Variants in AXDND1 observed in about 807,000 individuals in gnomAD.
AXDND1 encodes the protein axonemal dynein light chain domain-containing protein 1.
A neutral mutation model predicts 137.5 loss-of-function variants in AXDND1; 110 were observed. That is an observed-to-expected ratio of 0.80 (90% CI 0.69 to 0.94). The LOEUF is 0.94. Among genes scored for constraint, AXDND1 ranks in the 40% least tolerant of loss-of-function variants. The pLI is 0.00. For synonymous variants in AXDND1, 414 were observed against 399.7 expected, an observed-to-expected ratio of 1.04 and a Z score of -0.43; for missense variants, 1,191 against 1,169.8, an observed-to-expected ratio of 1.02 and a Z score of -0.26.
chr1:179,416,754 G>A (rs889230543), intron 12 of AXDND1, among the ~76,000 whole-genome samples: 1 of 152,176 alleles, frequency 6.6e-6, no homozygotes, highest in Non-Finnish European at 1.5e-5. Context: ...CACAAAACAA[G>A]CATACCCTTT....
rs558965098 is a variant in AXDND1, at chr1:179,505,995, G to A, written c.2389-3301G>A. ...TCATTGTATAGCAACCACTCCACTT[G>A]GAGATGAGAATTCCTTGTTATAAGG... On this transcript the variant is annotated intron_variant, in intron 20 of 25. Transcript: ENST00000367618. Among the ~76,000 whole-genome samples the A allele has an allele frequency of 1.5e-4, 23 of 152,326 alleles. No homozygotes were observed. In the South Asian group the frequency reaches 1.7e-3, roughly 11 times the overall value.
intron 11 of AXDND1, among the ~76,000 whole-genome samples, chr1:179,406,023 T>A (rs960386060): frequency 2.0e-5 from 3 of 152,276 alleles, no homozygotes; most frequent in South Asian, 4.1e-4. Flanking sequence ...TGAACTTCCC[T>A]CTTAGCACTA....
chr1:179,367,804 C>G (rs894096917), intron 2 of AXDND1, among the ~76,000 whole-genome samples: 1 of 152,080 alleles, frequency 6.6e-6, no homozygotes, highest in Non-Finnish European at 1.5e-5. Flanking sequence ...TACAATGTGC[C>G]AATTTGTATT....
Position 179,525,220 on chromosome 1 carries a change from C to T in AXDND1, c.2497-114C>T, listed in dbSNP as rs1446351661. The T allele has an allele frequency of 3.8e-6, 4 of 1,057,934 alleles. No individual in the cohort carries two copies. The East Asian group carries it at 8.9e-5, about 23-fold the overall frequency. 65.5% of individuals were successfully genotyped at this position (1,057,934 alleles called of 1,614,324 possible). A position where few individuals can be genotyped will look rare whatever the true frequency, so the allele number is the denominator to read the frequency against. ...GGACTATTCTTATCAACCTTTGTAT[C>T]CTTGTCACTAGCACAGTACCCAGCT... On this transcript the variant is annotated intron_variant, in intron 21 of 25. Transcript: ENST00000367618.
chr1:179,448,057 A>C, intron 16 of AXDND1: 1 of 1,184,262 alleles, frequency 8.4e-7, no homozygotes, highest in Non-Finnish European at 1.3e-6. Context: ...CTGAGGTGGC[A>C]AACCAGGTGC....
chr1:179,411,248 A>G lies in AXDND1; in HGVS notation c.1212A>G (p.Thr404=). The G allele has an allele frequency of 1.9e-6, 3 of 1,611,380 alleles. No individual in the cohort carries two copies. Among genetic ancestry groups the G allele is most frequent in the Non-Finnish European group, 2.5e-6 (3 of 1,179,270 alleles). ...VAERDIWSSA[T]YELALKVIER... ...AAAGAGATATCTGGAGCTCAGCCAC[A>G]TATGAATTGGCCCTGAAGGTTAGTT... The change falls in exon 12 of 26, where the codon ACA becomes ACG. Residue 404 remains threonine, a synonymous_variant. Coordinates refer to ENST00000367618, the MANE Select transcript of AXDND1 (RefSeq NM_144696.6).
chr1:179,488,634 C>CTTT (rs376189496), intron 18 of AXDND1, among the ~76,000 whole-genome samples: 1,538 of 105,246 alleles, frequency 0.015, 134 homozygotes, highest in East Asian at 0.054. Flanking sequence ...CTCTCTCTCT[C>CTTT]CTTTCTTTCT....
intron 11 of AXDND1, among the ~76,000 whole-genome samples, 176 bp downstream of exon 11, chr1:179,395,378 A>AT (rs1246714032): frequency 1.2e-4 from 19 of 152,118 alleles, no homozygotes; most frequent in Admixed American, 1.1e-3. Context: ...GTAAAACATG[A>AT]TTTTTTCTCT....
At chr1:179,480,995 T>A (rs561289072) in intron 17 of AXDND1, among the ~76,000 whole-genome samples, 24 of 150,738 alleles carry the variant, frequency 1.6e-4, no homozygotes, top group African/African-American at 4.8e-4. Flanking sequence ...TATATTTTTT[T>A]AATTATACTT....
At chr1:179,452,956 C>T (rs1159940124) in intron 16 of AXDND1, 2 of 152,190 alleles carry the variant, frequency 1.3e-5, no homozygotes, top group African/African-American at 4.8e-5. Context: ...GATTTGGTGC[C>T]CTGTGTCCCA....
At chr1:179,460,576 G>T (rs963130260) in intron 16 of AXDND1, among the ~76,000 whole-genome samples, 1 of 152,148 alleles carries the variant, frequency 6.6e-6, no homozygotes, top group Non-Finnish European at 1.5e-5. Context: ...GCAATGGAAT[G>T]GCTGGATCAA....
rs1305727489 is a variant in AXDND1, at chr1:179,509,519, A to G, written c.2496+116A>G. ...AATCCTTGTTCATTTACCCTAACATATGAGAATTTTGGTTCTGATCAAGAT... is the reference window on the plus strand; with the variant it reads ...AATCCTTGTTCATTTACCCTAACATGTGAGAATTTTGGTTCTGATCAAGAT... On this transcript the variant is annotated intron_variant, in intron 21 of 25. Transcript: ENST00000367618. The G allele has an allele frequency of 2.5e-5, 17 of 670,080 alleles. No individual in the cohort carries two copies. The East Asian group carries it at 5.0e-4, about 20-fold the overall frequency. 41.5% of individuals were successfully genotyped at this position (670,080 alleles called of 1,614,324 possible). A position where few individuals can be genotyped will look rare whatever the true frequency, so the allele number is the denominator to read the frequency against.
chr1:179,467,093 A>T (rs12131473), intron 16 of AXDND1, among the ~76,000 whole-genome samples: 4 of 152,034 alleles, frequency 2.6e-5, no homozygotes, highest in African/African-American at 9.7e-5. Flanking sequence ...CCAAATTTCC[A>T]TGAAAGATAT....
At chr1:179,551,621 G>A in intron 25 of AXDND1, 1 of 703,508 alleles carries the variant, frequency 1.4e-6, no homozygotes, top group South Asian at 1.8e-5. Context: ...TGGGGAGACA[G>A]ATTAAACTGT....
rs1248983599 is a variant in AXDND1, at chr1:179,385,192, A to C, written c.742-46A>C. The C allele has an allele frequency of 1.9e-6, 3 of 1,550,790 alleles. No individual in the cohort carries two copies. In the African/African-American group the frequency reaches 4.1e-5, roughly 21 times the overall value. ...GTATTAACCTCCTAAAATGTTTTTT[A>C]CTAAGACTGTAATAAGTACTGATTA... On this transcript the variant is annotated intron_variant, in intron 8 of 25. Coordinates refer to ENST00000367618, the MANE Select transcript of AXDND1 (RefSeq NM_144696.6).
intron 16 of AXDND1, among the ~76,000 whole-genome samples, chr1:179,465,371 G>T (rs1662975066): frequency 6.6e-6 from 1 of 152,198 alleles, no homozygotes; most frequent in Non-Finnish European, 1.5e-5. Context: ...GTCTGTTGGA[G>T]TTTGCTGGAG....
chr1:179,488,647 C>CTT (rs1553292213), intron 18 of AXDND1, among the ~76,000 whole-genome samples: 2 of 86,132 alleles, frequency 2.3e-5, no homozygotes, highest in African/African-American at 1.1e-4. Context: ...TTCTTTCTTT[C>CTT]TTTCTTTCTT....
At chr1:179,514,458 T>G (rs548661519) in intron 21 of AXDND1, among the ~76,000 whole-genome samples, 1 of 152,242 alleles carries the variant, frequency 6.6e-6, no homozygotes, top group South Asian at 2.1e-4. Flanking sequence ...TTTCTTAAAT[T>G]TATTGAGGCT....
chr1:179,385,139 G>A (rs183872681), intron 8 of AXDND1, 99 bp from the exon 9 acceptor site: 37 of 947,676 alleles, frequency 3.9e-5, no homozygotes, highest in African/African-American at 1.3e-4. Flanking sequence ...ATTAATCAAC[G>A]TGTTTCTAAA....
Sources: gnomAD v4.1 joint callset for allele counts (sites outside exome capture counted in the v4.1 genomes callset) on GRCh38, gnomAD v4.1.1 for gene constraint, MANE v1.5 for transcripts, NCBI Gene and HGNC (gene_info 2026-07-23, HGNC 2026-07-21) for gene names.